PRKCA: variants seen among roughly 807,000 people sequenced by gnomAD.
The protein encoded by PRKCA is protein kinase C alpha, also known as protein kinase C alpha type.
In PRKCA, 27 loss-of-function variants were observed where a neutral mutation model predicts 87.0. The observed-to-expected ratio is 0.31, with a 90% CI of 0.23 to 0.43. The LOEUF is 0.43. Among genes scored for constraint, PRKCA ranks in the 20% least tolerant of loss-of-function variants. The pLI is 1.00. For synonymous variants in PRKCA, 329 were observed against 311.1 expected (o/e 1.06, Z -0.61); for missense variants, 518 against 852.3 (o/e 0.61, Z 4.88).
rs1976131971 is a variant in PRKCA, at chr17:66,810,098, T to G, written c.*6061T>G. 6.6e-6 allele frequency: 1 copy of G among 152,206 alleles called. No homozygotes were observed. The highest frequency in any genetic ancestry group is 6.5e-5 in the Admixed American group (1 of 15,290). 9.4% of individuals were successfully genotyped at this position (152,206 alleles called of 1,614,324 possible). ...AACTCGGCTTTTCAGAAAATAGGTGTCAAGTCCACTTTATAAGAACCTTTT... is the reference window on the plus strand; with the variant it reads ...AACTCGGCTTTTCAGAAAATAGGTGGCAAGTCCACTTTATAAGAACCTTTT... On this transcript the variant is annotated 3_prime_UTR_variant, in exon 17 of 17. Coordinates refer to ENST00000413366, the MANE Select transcript of PRKCA (RefSeq NM_002737.3).
chr17:66,454,970 G>A (rs983362848), intron 2 of PRKCA, among the ~76,000 whole-genome samples: 7 of 152,236 alleles, frequency 4.6e-5, no homozygotes, highest in African/African-American at 9.6e-5. Context: ...TGGAAGGGCC[G>A]GCAGATGGCG....
At chr17:66,479,752 G>A (rs935217870) in intron 2 of PRKCA, among the ~76,000 whole-genome samples, 1 of 152,140 alleles carries the variant, frequency 6.6e-6, no homozygotes, top group Non-Finnish European at 1.5e-5. Context: ...ACTAACACAG[G>A]AACAGAAAAC....
chr17:66,650,469 T>A (rs566907118), intron 5 of PRKCA, among the ~76,000 whole-genome samples: 1 of 152,312 alleles, frequency 6.6e-6, no homozygotes, highest in East Asian at 1.9e-4. Flanking sequence ...GGGAACCAAT[T>A]TTCAATTTAA....
intron 3 of PRKCA, among the ~76,000 whole-genome samples, chr17:66,582,101 T>C (rs1969458804): frequency 6.6e-6 from 1 of 152,180 alleles, no homozygotes; most frequent in African/African-American, 2.4e-5. Flanking sequence ...TCACTCTTTG[T>C]CATGACATCC....
At chr17:66,422,697 C>G (rs574233352) in intron 2 of PRKCA, among the ~76,000 whole-genome samples, 1 of 152,118 alleles carries the variant, frequency 6.6e-6, no homozygotes, top group African/African-American at 2.4e-5. Flanking sequence ...TAAGAGAGCC[C>G]GTGTCAAACC....
At chr17:66,671,480 T>C (rs534561393) in intron 5 of PRKCA, among the ~76,000 whole-genome samples, 90 of 152,248 alleles carry the variant, frequency 5.9e-4, no homozygotes, top group Non-Finnish European at 1.1e-3. Flanking sequence ...TTAGTTAATA[T>C]GTCCAAGGTG....
intron 3 of PRKCA, among the ~76,000 whole-genome samples, chr17:66,543,763 C>T (rs960819744): frequency 6.6e-6 from 1 of 152,202 alleles, no homozygotes; most frequent in African/African-American, 2.4e-5. Flanking sequence ...ATGTACCCTA[C>T]ACCATAGAAA....
At chr17:66,663,928 C>T (rs1418897188) in intron 5 of PRKCA, among the ~76,000 whole-genome samples, 1 of 150,890 alleles carries the variant, frequency 6.6e-6, no homozygotes, top group South Asian at 2.1e-4. Context: ...AGTTCAGTGG[C>T]GTGATCTTGA....
chr17:66,745,308 C>T (rs778792817), intron 13 of PRKCA, among the ~76,000 whole-genome samples: 3 of 152,208 alleles, frequency 2.0e-5, no homozygotes, highest in Non-Finnish European at 4.4e-5. Flanking sequence ...GCCTTCATTC[C>T]CCTCCTTACA....
chr17:66,680,939 C>T (rs538663410), intron 5 of PRKCA, among the ~76,000 whole-genome samples: 1 of 152,222 alleles, frequency 6.6e-6, no homozygotes, highest in Non-Finnish European at 1.5e-5. Context: ...TAAGAAACCA[C>T]CTGGAGGGAC....
intron 3 of PRKCA, 42 bp from the exon 4 acceptor site, chr17:66,641,313 C>T (rs1425747257): frequency 6.7e-7 from 1 of 1,487,520 alleles, no homozygotes; most frequent in Admixed American, 1.7e-5. Context: ...AAACGTGGTC[C>T]TTTCATGACT....
At position 66,808,185 on chromosome 17, in the gene PRKCA, C is replaced by A. The variant is rs1164194876; in HGVS notation, c.*4148C>A. On this transcript the variant is annotated 3_prime_UTR_variant, in exon 17 of 17. Transcript: ENST00000413366. ...CCCATTTTCCTCTCTGGCTTCCTGC[C>A]AAGAATTATGGCAGCTGAGGATGAA... The A allele has an allele frequency of 6.6e-6, 1 of 152,164 alleles. No homozygotes were observed. The highest frequency in any genetic ancestry group is 1.5e-5 in the Non-Finnish European group (1 of 68,054). The allele number at this position is 152,164 out of a possible 1,614,324, so 9.4% of individuals were successfully genotyped here. A position where few individuals can be genotyped will look rare whatever the true frequency, so the allele number is the denominator to read the frequency against.
chr17:66,506,744 A>G (rs1254413202), intron 3 of PRKCA, among the ~76,000 whole-genome samples: 2 of 152,092 alleles, frequency 1.3e-5, no homozygotes, highest in African/African-American at 2.4e-5. Flanking sequence ...AGTCTTCACT[A>G]TTTGGAATTT....
intron 2 of PRKCA, among the ~76,000 whole-genome samples, chr17:66,456,407 C>A (rs997394431): frequency 6.6e-6 from 1 of 152,062 alleles, no homozygotes; most frequent in Admixed American, 6.6e-5. Flanking sequence ...GTTTAAGAGC[C>A]GTAAGTGGCC....
intron 2 of PRKCA, among the ~76,000 whole-genome samples, chr17:66,315,081 G>C (rs1905250113): frequency 6.6e-6 from 1 of 152,050 alleles, no homozygotes; most frequent in South Asian, 2.1e-4. Flanking sequence ...GTGTGTGGTT[G>C]TGCACAAAGT....
At chr17:66,676,981 C>T (rs11079665) in intron 5 of PRKCA, 62,134 of 151,992 alleles carry the variant, frequency 0.41, 12,953 homozygotes, top group East Asian at 0.5. Context: ...TCACTTTCTC[C>T]TCAAACAACT....
intron 3 of PRKCA, among the ~76,000 whole-genome samples, chr17:66,585,467 C>T (rs547009289): frequency 2.2e-4 from 33 of 152,356 alleles, no homozygotes; most frequent in African/African-American, 7.5e-4. Context: ...GCTGAGGACT[C>T]TCTTACCCTC....
At chr17:66,304,193 A>C (rs1223165531) in intron 1 of PRKCA, among the ~76,000 whole-genome samples, 2 of 152,172 alleles carry the variant, frequency 1.3e-5, no homozygotes, top group East Asian at 3.9e-4. Context: ...GAAGGGCTTC[A>C]GGGGTCTCTG....
At chr17:66,559,041 C>T (rs1968598958) in intron 3 of PRKCA, among the ~76,000 whole-genome samples, 1 of 152,116 alleles carries the variant, frequency 6.6e-6, no homozygotes, top group Non-Finnish European at 1.5e-5. Context: ...CTGTGGCTTC[C>T]CTCTGGGCTC....
Sources: allele counts gnomAD v4.1 joint callset (sites outside exome capture counted in the v4.1 genomes callset), GRCh38; gene constraint gnomAD v4.1.1; transcripts MANE v1.5; gene names NCBI Gene and HGNC (gene_info 2026-07-23, HGNC 2026-07-21).